The following PDS5B variants were observed in gnomAD, a reference collection of about 807,000 sequenced individuals.
PDS5B encodes the protein PDS5 cohesin associated factor B, also known as sister chromatid cohesion protein PDS5 homolog B.
In PDS5B, 51 loss-of-function variants were observed where a neutral mutation model predicts 184.1. That is an observed-to-expected ratio of 0.28 (90% confidence interval 0.22 to 0.35). PDS5B has a LOEUF of 0.35. PDS5B is among the 10% of genes least tolerant of loss of function. The probability of loss-of-function intolerance (pLI) is 1.00; values close to 1 mark genes in which losing one functional copy is unlikely to be tolerated. For missense variants in PDS5B, 1,180 were observed against 1,723.3 expected (o/e 0.68, Z 5.58); for synonymous variants, 566 against 569.2 (o/e 0.99, Z 0.08).
chr13:32,686,130 CATG>C (rs1951380197), intron 11 of PDS5B, among the ~76,000 whole-genome samples: 1 of 152,104 alleles, frequency 6.6e-6, no homozygotes, highest in African/African-American at 2.4e-5. Flanking sequence ...TCTGCAGATT[CATG>C]ATGTTTTCAA....
At chr13:32,760,900 G>T (rs1471625217) in intron 30 of PDS5B, among the ~76,000 whole-genome samples, 180 bp downstream of exon 30, 2 of 152,186 alleles carry the variant, frequency 1.3e-5, no homozygotes. Flanking sequence ...TTTTGGATGG[G>T]TGCTCTGTCT....
chr13:32,750,362 T>A, intron 24 of PDS5B, among the ~76,000 whole-genome samples: 1 of 152,212 alleles, frequency 6.6e-6, no homozygotes, highest in East Asian at 1.9e-4. Flanking sequence ...TGTGGATTTT[T>A]ACTTACCCAG....
intron 1 of PDS5B, among the ~76,000 whole-genome samples, chr13:32,602,591 T>C (rs909567463): frequency 1.3e-5 from 2 of 152,228 alleles, no homozygotes; most frequent in Non-Finnish European, 2.9e-5. Context: ...GCATGACTTA[T>C]AATCGTTTGG....
intron 1 of PDS5B, among the ~76,000 whole-genome samples, chr13:32,618,369 T>C (rs1317289913): frequency 1.3e-5 from 2 of 152,232 alleles, no homozygotes; most frequent in Admixed American, 6.5e-5. Context: ...AAAATTGTTA[T>C]AATTAAACAA....
intron 25 of PDS5B, among the ~76,000 whole-genome samples, chr13:32,755,193 TC>T (rs1396949487): frequency 6.6e-6 from 1 of 152,176 alleles, no homozygotes; most frequent in East Asian, 1.9e-4. Flanking sequence ...AGAATATGAG[TC>T]CCAGTCTATG....
intron 13 of PDS5B, chr13:32,690,453 G>A (rs1566332179): frequency 6.6e-6 from 1 of 152,156 alleles, no homozygotes; most frequent in Non-Finnish European, 1.5e-5. Flanking sequence ...AGGTTCTTTT[G>A]TCATGTTAGT....
At position 32,656,929 on chromosome 13, in the gene PDS5B, A is replaced by G. The variant is rs536005846; in HGVS notation, c.313-1310A>G. On this transcript the variant is annotated intron_variant, in intron 3 of 34. Coordinates refer to ENST00000315596, the MANE Select transcript of PDS5B (RefSeq NM_015032.4). ...GTTCTTGATTTGGCTGTCAACTTCA[A>G]CATATGTGGTCATCATTATGTGGTG... Among the ~76,000 whole-genome samples, 7 of 152,268 alleles carry G rather than the reference A, an allele frequency of 4.6e-5. No homozygotes were observed. The South Asian group carries it at 1.4e-3, about 32-fold the overall frequency.
chr13:32,770,697 A>G lies in PDS5B; in HGVS notation c.4108A>G (p.Thr1370Ala), dbSNP rs1419337303. ...ESSAIESTQS[T>A]PQKGRGRPSK... The stretch of plus-strand genomic sequence containing the variant: ...TAGTGCAATTGAATCCACACAGTCC[A>G]CACCACAGAAAGGACGAGGAAGACC... Residue 1370 changes from threonine (T) to alanine (A), a missense_variant, in exon 33 of 35, where the codon ACA becomes GCA. Coordinates refer to ENST00000315596, the MANE Select transcript of PDS5B (RefSeq NM_015032.4). 1 of 1,611,620 alleles carries G rather than the reference A, an allele frequency of 6.2e-7. No homozygotes were observed. Among genetic ancestry groups the G allele is most frequent in the Non-Finnish European group, 8.5e-7 (1 of 1,178,790 alleles).
chr13:32,617,207 A>G lies in PDS5B; in HGVS notation c.-20+30614A>G, dbSNP rs147768454. ...AATCAGCTTAAATCTGTTTTATCCTAAGCCATTTATTTAATATAATCTAGG... is the reference window on the plus strand; with the variant it reads ...AATCAGCTTAAATCTGTTTTATCCTGAGCCATTTATTTAATATAATCTAGG... On this transcript the variant is annotated intron_variant, in intron 1 of 34. Coordinates refer to ENST00000315596, the MANE Select transcript of PDS5B (RefSeq NM_015032.4). Among the ~76,000 whole-genome samples, 1,517 of 152,308 alleles carry G rather than the reference A, an allele frequency of 1.0e-2. 12 individuals are homozygous for G. The highest frequency in any genetic ancestry group is 0.026 in the African/African-American group (1,071 of 41,560).
At chr13:32,714,928 A>T (rs941795920) in intron 19 of PDS5B, among the ~76,000 whole-genome samples, 1 of 152,200 alleles carries the variant, frequency 6.6e-6, no homozygotes, top group Non-Finnish European at 1.5e-5. Context: ...TTGATTGGGG[A>T]AGTGATAAGT....
At chr13:32,717,423 TG>T (rs1952493859) in intron 19 of PDS5B, among the ~76,000 whole-genome samples, 1 of 147,988 alleles carries the variant, frequency 6.8e-6, no homozygotes, top group Non-Finnish European at 1.5e-5. Context: ...ACATGTGCTG[TG>T]TCCACTCAGG....
intron 10 of PDS5B, among the ~76,000 whole-genome samples, chr13:32,682,450 A>T (rs1951273907): frequency 6.6e-6 from 1 of 152,132 alleles, no homozygotes; most frequent in African/African-American, 2.4e-5. Context: ...ATGTTTTTGA[A>T]ATTTATCCTG....
chr13:32,726,833 T>C (rs772549953), intron 19 of PDS5B, among the ~76,000 whole-genome samples: 22 of 152,200 alleles, frequency 1.4e-4, no homozygotes, highest in Non-Finnish European at 1.9e-4. Flanking sequence ...GGAGGATCAC[T>C]TGAGCCCAGG....
chr13:32,708,363 G>C (rs908644569), intron 18 of PDS5B, among the ~76,000 whole-genome samples: 5 of 152,144 alleles, frequency 3.3e-5, no homozygotes, highest in Admixed American at 2.6e-4. Context: ...TGTATCACTA[G>C]TATTTTCCTA....
chr13:32,737,030 GAA>G lies in PDS5B; in HGVS notation c.2406+1701_2406+1702del, dbSNP rs548798191. Reference sequence around the variant, plus strand: ...AATCCTTGAAAAATCTTAATTATGTGAAGTTTGTATCTGTTAGGCTTATCATC... The same window carrying G: ...AATCCTTGAAAAATCTTAATTATGTGGTTTGTATCTGTTAGGCTTATCATC... On this transcript the variant is annotated intron_variant, in intron 21 of 34. Coordinates refer to ENST00000315596, the MANE Select transcript of PDS5B (RefSeq NM_015032.4). 7.9e-5 allele frequency among the ~76,000 whole-genome samples: 12 copies of G among 152,096 alleles called. No individual in the cohort carries two copies. The South Asian group carries it at 8.3e-4, about 10-fold the overall frequency.
intron 18 of PDS5B, among the ~76,000 whole-genome samples, chr13:32,708,310 G>T (rs1292581493): frequency 6.6e-6 from 1 of 152,190 alleles, no homozygotes; most frequent in Non-Finnish European, 1.5e-5. Flanking sequence ...GCAAAGCCAA[G>T]AATCCTTGCG....
intron 5 of PDS5B, 101 bp downstream of exon 5, chr13:32,658,632 G>A (rs9591228): frequency 0.39 from 230,309 of 588,758 alleles, 47,570 homozygotes; most frequent in Non-Finnish European, 0.44. Flanking sequence ...TTAGAAGGCT[G>A]AGAGATGTAA....
intron 17 of PDS5B, among the ~76,000 whole-genome samples, chr13:32,704,388 T>C (rs7999537): frequency 0.38 from 58,340 of 152,068 alleles, 11,660 homozygotes; most frequent in Non-Finnish European, 0.44. Flanking sequence ...AGGCTTGTCT[T>C]GAACTCCTGG....
chr13:32,752,061 G>A (rs2140995812), intron 24 of PDS5B, among the ~76,000 whole-genome samples: 2 of 127,508 alleles, frequency 1.6e-5, no homozygotes, highest in South Asian at 4.5e-4. Context: ...TTTAATTGGT[G>A]GAGTGTAAGG....
Sources: allele counts gnomAD v4.1 joint callset (sites outside exome capture counted in the v4.1 genomes callset), GRCh38; gene constraint gnomAD v4.1.1; transcripts MANE v1.5; gene names NCBI Gene and HGNC (gene_info 2026-07-23, HGNC 2026-07-21).